HELZ: variants seen among roughly 807,000 people sequenced by gnomAD.
The protein encoded by HELZ is ATP-dependent RNA helicase with zinc finger domain.
A neutral mutation model predicts 218.2 loss-of-function variants in HELZ; 23 were observed. The observed-to-expected ratio is 0.11, with a 90% CI of 0.08 to 0.15. The LOEUF (loss-of-function observed/expected upper bound fraction) is 0.15, where lower values mean the gene tolerates loss of function less well. Ranked by LOEUF, HELZ falls within the 10% of genes least tolerant of loss-of-function variation. The pLI, the probability that HELZ is intolerant of heterozygous loss-of-function variation, is 1.00. For missense variants in HELZ, 1,813 were observed against 2,353.7 expected, an observed-to-expected ratio of 0.77 and a Z score of 4.75; for synonymous variants, 814 against 829.4, an observed-to-expected ratio of 0.98 and a Z score of 0.32.
intron 3 of HELZ, among the ~76,000 whole-genome samples, chr17:67,221,269 A>G (rs2040738323): frequency 6.6e-6 from 1 of 152,180 alleles, no homozygotes. Context: ...ACGTCCCCTG[A>G]CTTGTGACAA....
intron 13 of HELZ, among the ~76,000 whole-genome samples, chr17:67,169,648 C>T (rs2039251987): frequency 6.6e-6 from 1 of 152,174 alleles, no homozygotes; most frequent in African/African-American, 2.4e-5. Flanking sequence ...CCATAGCCTC[C>T]AAATGCATGT....
chr17:67,129,340 G>A (rs1224466061), intron 23 of HELZ, among the ~76,000 whole-genome samples: 1 of 151,488 alleles, frequency 6.6e-6, no homozygotes, highest in East Asian at 1.9e-4. Context: ...GCATGTATAT[G>A]TGTATATATG....
chr17:67,102,261 C>A (rs2036953695), intron 31 of HELZ, among the ~76,000 whole-genome samples: 2 of 152,174 alleles, frequency 1.3e-5, no homozygotes, highest in South Asian at 4.1e-4. Context: ...GTTTTCCCAA[C>A]AAATAATCTC....
At chr17:67,193,918 C>T in intron 9 of HELZ, 49 bp downstream of exon 9, 1 of 1,360,800 alleles carries the variant, frequency 7.3e-7, no homozygotes, top group Middle Eastern at 2.2e-4. Flanking sequence ...AATTATCTGT[C>T]CTTTCAACAA....
chr17:67,178,974 T>A (rs763299819), intron 12 of HELZ, 48 bp from the exon 13 acceptor site: 6 of 1,267,024 alleles, frequency 4.7e-6, no homozygotes, highest in East Asian at 2.4e-5. Context: ...AACATTAAAA[T>A]TTTTAAATAA....
At chr17:67,183,563 G>C (rs2144254792) in intron 12 of HELZ, among the ~76,000 whole-genome samples, 1 of 152,246 alleles carries the variant, frequency 6.6e-6, no homozygotes, top group African/African-American at 2.4e-5. Context: ...ACTCAAACTA[G>C]AGAAATAAAT....
intron 24 of HELZ, chr17:67,128,450 C>A: frequency 3.4e-6 from 2 of 585,788 alleles, no homozygotes; most frequent in South Asian, 2.2e-5. Context: ...TGAGAATGAT[C>A]ATAACATTAA....
At chr17:67,214,929 T>C (rs374213896) in intron 5 of HELZ, among the ~76,000 whole-genome samples, 1 of 152,102 alleles carries the variant, frequency 6.6e-6, no homozygotes, top group African/African-American at 2.4e-5. Flanking sequence ...GTGGATCCCT[T>C]GAGCCCAGGA....
intron 5 of HELZ, among the ~76,000 whole-genome samples, chr17:67,206,659 C>T (rs1023364886): frequency 2.8e-5 from 4 of 140,610 alleles, no homozygotes; most frequent in African/African-American, 1.1e-4. Flanking sequence ...AGTGGAATGG[C>T]GCGATCTTGG....
At chr17:67,165,248 A>G (rs2039107788) in intron 15 of HELZ, among the ~76,000 whole-genome samples, 1 of 152,204 alleles carries the variant, frequency 6.6e-6, no homozygotes, top group Non-Finnish European at 1.5e-5. Flanking sequence ...GAGTAAGCAA[A>G]ACAAGGGAGA....
At chr17:67,207,896 C>T (rs1000586994) in intron 5 of HELZ, among the ~76,000 whole-genome samples, 28 of 152,130 alleles carry the variant, frequency 1.8e-4, no homozygotes, top group African/African-American at 6.5e-4. Flanking sequence ...ATAATACTAG[C>T]TTCTTGGGAG....
intron 21 of HELZ, 117 bp from the exon 22 acceptor site, chr17:67,138,231 A>C: frequency 1.3e-6 from 1 of 784,594 alleles, no homozygotes; most frequent in Middle Eastern, 2.5e-4. Flanking sequence ...CATTTAAAAA[A>C]AAAAAAAAAC....
At chr17:67,120,716 C>G (rs1264549110) in intron 26 of HELZ, 104 bp from the exon 27 acceptor site, 25 of 601,822 alleles carry the variant, frequency 4.2e-5, no homozygotes, top group Admixed American at 1.5e-4. Flanking sequence ...GACATACAAA[C>G]ACACACACAC....
chr17:67,148,979 T>C (rs2038593437), intron 19 of HELZ, among the ~76,000 whole-genome samples: 1 of 152,180 alleles, frequency 6.6e-6, no homozygotes, highest in African/African-American at 2.4e-5. Context: ...CCCAGCATAA[T>C]AATGAATAGC....
intron 31 of HELZ, among the ~76,000 whole-genome samples, chr17:67,098,651 G>C (rs1214029847): frequency 6.6e-6 from 1 of 152,112 alleles, no homozygotes; most frequent in South Asian, 2.1e-4. Context: ...GGCTGACACA[G>C]GAGAATTGCT....
In HELZ at chr17:67,136,046, T is replaced by C; in HGVS notation, c.3106A>G (p.Thr1036Ala). The C allele has an allele frequency of 6.2e-7, 1 of 1,613,930 alleles. No individual in the cohort carries two copies. The highest frequency in any genetic ancestry group is 8.5e-7 in the Non-Finnish European group (1 of 1,179,920). ...AGGGATTGTGCTCTTGTGATGGCAG[T>C]ATTGAGAAGCTTGTAGTTAGATAAA... ...GFLSNYKLLN[T>A]AITRAQSLVA... Residue 1036 changes from threonine (T) to alanine (A), a missense_variant, in exon 23 of 33, where the codon ACT (threonine) becomes GCT (alanine). By Grantham distance (58) the Thr-to-Ala change is moderately conservative (BLOSUM62 0). This residue lies in a region of HELZ where 156 missense variants were observed against 274.4 expected (regional missense o/e 0.57). Coordinates refer to ENST00000358691, the MANE Select transcript of HELZ (RefSeq NM_014877.4).
intron 12 of HELZ, among the ~76,000 whole-genome samples, chr17:67,184,466 A>C (rs1051999450): frequency 1.3e-5 from 2 of 152,128 alleles, no homozygotes; most frequent in Non-Finnish European, 2.9e-5. Flanking sequence ...TGGAAGATGC[A>C]ATAAATATTT....
At chr17:67,135,465 C>T (rs1032618390) in intron 23 of HELZ, among the ~76,000 whole-genome samples, 2 of 152,184 alleles carry the variant, frequency 1.3e-5, no homozygotes, top group African/African-American at 4.8e-5. Context: ...CCCTCACTTC[C>T]AAGTCAGCTT....
At chr17:67,197,411 G>C (rs2040059291) in intron 7 of HELZ, among the ~76,000 whole-genome samples, 1 of 152,146 alleles carries the variant, frequency 6.6e-6, no homozygotes, top group Non-Finnish European at 1.5e-5. Flanking sequence ...AATATACTTA[G>C]CTATCCCTAT....
Sources: gnomAD v4.1 joint callset for allele counts (sites outside exome capture counted in the v4.1 genomes callset) on GRCh38, gnomAD v4.1.1 for gene constraint, gnomAD v4.1.1 regional missense constraint, MANE v1.5 for transcripts, NCBI Gene and HGNC (gene_info 2026-07-23, HGNC 2026-07-21) for gene names.